Variants in SCD5 observed in about 807,000 individuals in gnomAD.
SCD5 encodes acyl-CoA-desaturase 4.
SCD5 carries 20 observed loss-of-function variants against 30.4 expected under a neutral mutation model. The ratio of observed to expected loss-of-function variants is 0.66; its 90% CI spans 0.46 to 0.96. The LOEUF (loss-of-function observed/expected upper bound fraction) is 0.96. SCD5 is among the 40% of genes least tolerant of loss of function. The pLI, the probability that SCD5 is intolerant of heterozygous loss-of-function variation, is 0.00. For missense variants in SCD5, 381 were observed against 443.3 expected (o/e 0.86, Z 1.26); for synonymous variants, 173 against 176.4 (o/e 0.98, Z 0.16).
intron 1 of SCD5, among the ~76,000 whole-genome samples, chr4:82,778,156 GA>G (rs769684005): frequency 6.6e-6 from 1 of 152,084 alleles, no homozygotes; most frequent in Non-Finnish European, 1.5e-5. Flanking sequence ...TCATAAGTGG[GA>G]GTTGAACAAT....
intron 1 of SCD5, among the ~76,000 whole-genome samples, chr4:82,738,369 C>T (rs566829486): frequency 1.3e-5 from 2 of 152,180 alleles, no homozygotes; most frequent in Non-Finnish European, 2.9e-5. Flanking sequence ...TTGCAGTGAG[C>T]CGAGATCGTG....
intron 2 of SCD5, among the ~76,000 whole-genome samples, chr4:82,702,615 A>G (rs1349040086): frequency 6.6e-6 from 1 of 152,128 alleles, no homozygotes; most frequent in Non-Finnish European, 1.5e-5. Context: ...ATCTAGCAAA[A>G]ACCCTGCTGA....
chr4:82,663,814 A>G (rs1187597403), intron 3 of SCD5, among the ~76,000 whole-genome samples: 1 of 152,182 alleles, frequency 6.6e-6, no homozygotes, highest in Non-Finnish European at 1.5e-5. Flanking sequence ...AGGCAAAGAA[A>G]CATTGCTGCT....
intron 1 of SCD5, among the ~76,000 whole-genome samples, chr4:82,747,285 T>C (rs72906481): frequency 0.044 from 6,766 of 152,288 alleles, 193 homozygotes; most frequent in South Asian, 0.11. Context: ...GAGGGATAGA[T>C]GATATTCATT....
intron 3 of SCD5, among the ~76,000 whole-genome samples, chr4:82,652,178 T>A (rs1245730330): frequency 6.6e-6 from 1 of 152,084 alleles, no homozygotes; most frequent in East Asian, 1.9e-4. Flanking sequence ...GGGAATGGCA[T>A]TAGTAGGAAG....
intron 1 of SCD5, among the ~76,000 whole-genome samples, chr4:82,755,693 T>G (rs1202292668): frequency 1.3e-5 from 2 of 152,186 alleles, no homozygotes; most frequent in Admixed American, 6.5e-5. Context: ...TCAAAATACG[T>G]CTAGTCTCCA....
At chr4:82,679,263 G>GAAAGAAAGAAAGAAAGAAAGAAAGAAA (rs1560531713) in intron 3 of SCD5, among the ~76,000 whole-genome samples, 1 of 118,310 alleles carries the variant, frequency 8.5e-6, no homozygotes, top group African/African-American at 3.1e-5. Flanking sequence ...AAAGAAAGAA[G>GAAAGAAAGAAAGAAAGAAAGAAAGAAA]GAAGGAAAGA....
intron 1 of SCD5, among the ~76,000 whole-genome samples, chr4:82,786,922 G>A (rs1372863265): frequency 6.6e-6 from 1 of 151,976 alleles, no homozygotes; most frequent in Non-Finnish European, 1.5e-5. Context: ...TTTACACAAT[G>A]GCTATGCCAC....
At chr4:82,656,245 T>C (rs1273573602) in intron 3 of SCD5, among the ~76,000 whole-genome samples, 2 of 152,018 alleles carry the variant, frequency 1.3e-5, no homozygotes, top group Admixed American at 1.3e-4. Flanking sequence ...TATCCCTCCC[T>C]TAGCATCCCC....
chr4:82,684,511 G>A (rs950964961), intron 2 of SCD5, among the ~76,000 whole-genome samples: 1 of 152,148 alleles, frequency 6.6e-6, no homozygotes, highest in Non-Finnish European at 1.5e-5. Context: ...CTGCTCTGGA[G>A]TGATTGGGAG....
chr4:82,710,088 G>C (rs375377850), intron 1 of SCD5, among the ~76,000 whole-genome samples: 18 of 152,302 alleles, frequency 1.2e-4, no homozygotes, highest in Admixed American at 2.6e-4. Context: ...AAGTGCAGTG[G>C]TTCTCCACCC....
chr4:82,690,746 A>T (rs1350189186), intron 2 of SCD5, among the ~76,000 whole-genome samples: 1 of 152,164 alleles, frequency 6.6e-6, no homozygotes, highest in African/African-American at 2.4e-5. Context: ...GGTTTCTTTG[A>T]CTGGACTCAT....
intron 1 of SCD5, among the ~76,000 whole-genome samples, chr4:82,765,984 G>A (rs1721477220): frequency 6.6e-6 from 1 of 152,058 alleles, no homozygotes; most frequent in South Asian, 2.1e-4. Flanking sequence ...GAATACAGAG[G>A]GCCAACTATA....
chr4:82,739,661 C>T (rs1720832038), intron 1 of SCD5, among the ~76,000 whole-genome samples: 1 of 152,208 alleles, frequency 6.6e-6, no homozygotes, highest in Admixed American at 6.5e-5. Context: ...CACTATGATT[C>T]AGATCGGCCA....
At chr4:82,694,356 T>C (rs1719647382) in intron 2 of SCD5, among the ~76,000 whole-genome samples, 1 of 152,208 alleles carries the variant, frequency 6.6e-6, no homozygotes. Flanking sequence ...CCCATGCAGA[T>C]GTTGACGCTG....
At chr4:82,738,118 T>C (rs1720791711) in intron 1 of SCD5, among the ~76,000 whole-genome samples, 1 of 152,304 alleles carries the variant, frequency 6.6e-6, no homozygotes, top group Admixed American at 6.5e-5. Flanking sequence ...AAAAGATTTC[T>C]ACCTGAAAAA....
intron 1 of SCD5, among the ~76,000 whole-genome samples, chr4:82,759,538 C>G (rs879462584): frequency 1.3e-5 from 2 of 151,726 alleles, no homozygotes; most frequent in Non-Finnish European, 2.9e-5. Flanking sequence ...AGGATCATTT[C>G]AGCTGGGCGC....
At chr4:82,774,331 G>A (rs962423458) in intron 1 of SCD5, among the ~76,000 whole-genome samples, 1 of 151,990 alleles carries the variant, frequency 6.6e-6, no homozygotes, top group Non-Finnish European at 1.5e-5. Flanking sequence ...CTATGGACAT[G>A]AAAAGATGTC....
chr4:82,736,305 CA>C (rs370885850), intron 1 of SCD5, among the ~76,000 whole-genome samples: 10 of 145,280 alleles, frequency 6.9e-5, no homozygotes, highest in Middle Eastern at 3.5e-3. Context: ...CAAAACAAAA[CA>C]AAAAAAAAAC....
Sources: allele counts gnomAD v4.1 joint callset (sites outside exome capture counted in the v4.1 genomes callset), GRCh38; gene constraint gnomAD v4.1.1; transcripts MANE v1.5; gene names NCBI Gene and HGNC (gene_info 2026-07-23, HGNC 2026-07-21).